NR2E3: variants seen among roughly 807,000 people sequenced by gnomAD.
The protein encoded by NR2E3 is nuclear receptor subfamily 2 group E member 3, also known as photoreceptor-specific nuclear receptor.
NR2E3 carries 38 observed loss-of-function variants against 37.6 expected under a neutral mutation model. That is an observed-to-expected ratio of 1.01 (90% confidence interval 0.78 to 1.33). The LOEUF (loss-of-function observed/expected upper bound fraction) is 1.33. Ranked by LOEUF, NR2E3 falls within the 40% of genes most tolerant of loss-of-function variation. The pLI is 0.00. For synonymous variants in NR2E3, 235 were observed against 225.1 expected (o/e 1.04, Z -0.39); for missense variants, 562 against 558.7 (o/e 1.01, Z -0.06).
chr15:71,814,009 C>T lies in NR2E3; in HGVS notation c.995-3C>T, dbSNP rs747791715. ...TAAGCTCACTGGTGCTGCTTCTCCC[C>T]AGAGACGCGGGGCCTGAAGGATCCT... On this transcript the variant is annotated splice_region_variant and splice_polypyrimidine_tract_variant and intron_variant, in intron 6 of 7. Coordinates refer to ENST00000617575, the MANE Select transcript of NR2E3 (RefSeq NM_014249.4). 1 of 1,610,384 alleles carries T rather than the reference C, an allele frequency of 6.2e-7. No homozygotes were observed. The highest frequency in any genetic ancestry group is 1.7e-5 in the Admixed American group (1 of 59,542).
Position 71,811,890 on chromosome 15 carries a change from G to C in NR2E3, c.349+21G>C. The C allele has an allele frequency of 6.5e-7, 1 of 1,550,356 alleles. No homozygotes were observed. Among genetic ancestry groups the C allele is most frequent in the East Asian group, 2.4e-5 (1 of 40,906 alleles). On this transcript the variant is annotated intron_variant, in intron 3 of 7. Coordinates refer to ENST00000617575, the MANE Select transcript of NR2E3 (RefSeq NM_014249.4). This position sits in a 1 kb window ranked among gnomAD's most constrained non-coding sequence, Gnocchi z 5.6. Reference sequence around the variant, plus strand: ...GGACGGTGAGGCGGGGGCTGGCCCGGGGGGAGGTGACAAGAAATGGGCAGC... The same window carrying C: ...GGACGGTGAGGCGGGGGCTGGCCCGCGGGGAGGTGACAAGAAATGGGCAGC...
rs750995972 is a variant in NR2E3, at chr15:71,812,178, T to C, written c.571+2T>C. 1.1e-5 allele frequency: 17 copies of C among 1,586,258 alleles called. No homozygotes were observed. The highest frequency in any genetic ancestry group is 1.5e-5 in the Non-Finnish European group (17 of 1,167,076). On this transcript the variant is annotated splice_donor_variant, in intron 4 of 7. Transcript: ENST00000617575. LOFTEE classifies it high-confidence loss of function. ...GTGCTAAGCTGGAGCCAGAGGATGG[T>C]GAGTGGGAGAGCAGCTGAGGGCACA...
rs757577455 is a variant in NR2E3 at position 71,811,888 on chromosome 15, C to T, written c.349+19C>T. The stretch of plus-strand genomic sequence containing the variant: ...CAGGACGGTGAGGCGGGGGCTGGCC[C>T]GGGGGGAGGTGACAAGAAATGGGCA... On this transcript the variant is annotated intron_variant, in intron 3 of 7. Coordinates refer to ENST00000617575, the MANE Select transcript of NR2E3 (RefSeq NM_014249.4). This position sits in a 1 kb window ranked among gnomAD's most constrained non-coding sequence, Gnocchi z 5.6. The T allele has an allele frequency of 3.0e-5, 46 of 1,550,212 alleles. No individual in the cohort carries two copies. The South Asian group carries it at 3.8e-4, about 13-fold the overall frequency.
At chr15:71,817,379 T>G in intron 7 of NR2E3, 173 bp from the exon 8 acceptor site, 100 of 745,832 alleles carry the variant, frequency 1.3e-4, no homozygotes, top group Non-Finnish European at 1.9e-4. Flanking sequence ...ATTACGGGCG[T>G]GAGCCACCAC....
chr15:71,811,455 T>TGGCCCAGCCCTGCCCCCTGCCCC lies in NR2E3; in HGVS notation c.119-27_119-5dup. 4 of 1,502,992 alleles carry TGGCCCAGCCCTGCCCCCTGCCCC rather than the reference T, an allele frequency of 2.7e-6. No homozygotes were observed. The highest frequency in any genetic ancestry group is 2.0e-5 in the Admixed American group (1 of 49,318). 93.1% of individuals were successfully genotyped at this position (1,502,992 alleles called of 1,614,324 possible). On this transcript the variant is annotated intron_variant, in intron 1 of 7. Coordinates refer to ENST00000617575, the MANE Select transcript of NR2E3 (RefSeq NM_014249.4). This position sits in a 1 kb window ranked among gnomAD's most constrained non-coding sequence, Gnocchi z 5.6. ...GCCCTGCCCCGGCCCAGCCCTGCCC[T>TGGCCCAGCCCTGCCCCCTGCCCC]GGCCCAGCCCTGCCCCCTGCCCCTC...
chr15:71,812,247 G>C, intron 4 of NR2E3, 71 bp downstream of exon 4: 3 of 1,609,030 alleles, frequency 1.9e-6, no homozygotes, highest in Non-Finnish European at 2.5e-6. Context: ...GCAGCGCCTT[G>C]CCTTGATCCT....
At chr15:71,815,019 A>G (rs2054216498) in intron 7 of NR2E3, 4 of 524,708 alleles carry the variant, frequency 7.6e-6, no homozygotes, top group Non-Finnish European at 9.8e-6. Context: ...AGGTGCACTG[A>G]GCATCCTGTA....
At chr15:71,812,824 A>G (rs770592961) in intron 5 of NR2E3, among the ~76,000 whole-genome samples, 4 of 152,122 alleles carry the variant, frequency 2.6e-5, no homozygotes, top group Non-Finnish European at 5.9e-5. Context: ...CCCTGCAGAC[A>G]TTCTGTGGGT....
chr15:71,812,117 A>G lies in NR2E3; in HGVS notation c.512A>G (p.His171Arg). 6.4e-7 allele frequency: 1 copy of G among 1,558,804 alleles called. No homozygotes were observed. Among genetic ancestry groups the G allele is most frequent in the Non-Finnish European group, 8.7e-7 (1 of 1,151,672 alleles). Reference sequence around the variant, plus strand: ...ATGTCTGCAGCCAGAGCCCTGGGCCACCACTTCATGGCCAGCCTTATAACA... The same window carrying G: ...ATGTCTGCAGCCAGAGCCCTGGGCCGCCACTTCATGGCCAGCCTTATAACA... ...TPMSAARALG[H>R]HFMASLITAE... Residue 171 changes from histidine (H) to arginine (R), a missense_variant, in exon 4 of 8, where the codon CAC (histidine) becomes CGC (arginine). Coordinates refer to ENST00000617575, the MANE Select transcript of NR2E3 (RefSeq NM_014249.4).
rs1221845226 is a variant in NR2E3, at chr15:71,811,412, G to C, written c.119-71G>C. The C allele has an allele frequency of 2.8e-6, 4 of 1,418,380 alleles. No individual in the cohort carries two copies. Among genetic ancestry groups the C allele is most frequent in the Non-Finnish European group, 3.8e-6 (4 of 1,040,722 alleles). 87.9% of individuals were successfully genotyped at this position (1,418,380 alleles called of 1,614,324 possible). A position where few individuals can be genotyped will look rare whatever the true frequency, so the allele number is the denominator to read the frequency against. On this transcript the variant is annotated intron_variant, in intron 1 of 7. Transcript: ENST00000617575. The surrounding 1 kb of genome is among the most constrained non-coding windows in gnomAD (Gnocchi z 5.6). ...TGAGGACTGGGAAAGGGACCCGAGG[G>C]AAGGAGGGGAGCGTGCAGCCCTGCC...
At position 71,813,970 on chromosome 15, in the gene NR2E3, C is replaced by T. The variant is rs1354068118; in HGVS notation, c.995-42C>T. The T allele has an allele frequency of 1.3e-6, 2 of 1,586,110 alleles. No individual in the cohort carries two copies. Among genetic ancestry groups the T allele is most frequent in the East Asian group, 4.6e-5 (2 of 43,246 alleles). On this transcript the variant is annotated intron_variant, in intron 6 of 7. Coordinates refer to ENST00000617575, the MANE Select transcript of NR2E3 (RefSeq NM_014249.4). This position sits in a 1 kb window ranked among gnomAD's most constrained non-coding sequence, Gnocchi z 4.7. The stretch of plus-strand genomic sequence containing the variant: ...CACTTCATGGCCAGCCTTATAACAG[C>T]CGTAAACCTGTGCTAAGCTCACTGG...
Position 71,812,188 on chromosome 15 carries a change from A to G in NR2E3, c.571+12A>G, listed in dbSNP as rs1435059628. ...GGAGCCAGAGGATGGTGAGTGGGAG[A>G]GCAGCTGAGGGCACAGCAGGGCTTG... On this transcript the variant is annotated intron_variant, in intron 4 of 7. Transcript: ENST00000617575. 1.3e-6 allele frequency: 2 copies of G among 1,592,926 alleles called. No homozygotes were observed. The highest frequency in any genetic ancestry group is 1.3e-5 in the African/African-American group (1 of 74,360).
At chr15:71,814,278 C>A in intron 7 of NR2E3, 161 bp downstream of exon 7, 1 of 1,414,048 alleles carries the variant, frequency 7.1e-7, no homozygotes, top group Non-Finnish European at 9.2e-7. Context: ...TGCCAGGCCC[C>A]GGGAGTGGGG....
rs991763973 is a variant in NR2E3, at chr15:71,813,703, T to G, written c.994+68T>G. 5.2e-5 allele frequency: 84 copies of G among 1,600,198 alleles called. No individual in the cohort carries two copies. Among genetic ancestry groups the G allele is most frequent in the Non-Finnish European group, 6.8e-5 (80 of 1,176,114 alleles). ...ACTTCCATCTGCCTCTCACTCTCCCTCCACTACCCCCATGTGTGCAGATGT... is the reference window on the plus strand; with the variant it reads ...ACTTCCATCTGCCTCTCACTCTCCCGCCACTACCCCCATGTGTGCAGATGT... On this transcript the variant is annotated intron_variant, in intron 6 of 7. Coordinates refer to ENST00000617575, the MANE Select transcript of NR2E3 (RefSeq NM_014249.4). The surrounding 1 kb of genome is among the most constrained non-coding windows in gnomAD (Gnocchi z 4.7).
chr15:71,813,922 C>A lies in NR2E3; in HGVS notation c.995-90C>A. 1 of 1,547,632 alleles carries A rather than the reference C, an allele frequency of 6.5e-7. No individual in the cohort carries two copies. Among genetic ancestry groups the A allele is most frequent in the South Asian group, 1.2e-5 (1 of 84,086 alleles). On this transcript the variant is annotated intron_variant, in intron 6 of 7. Transcript: ENST00000617575. The surrounding 1 kb of genome is among the most constrained non-coding windows in gnomAD (Gnocchi z 4.7). ...ACCCCACAGGGCCCCAGGTCCATGT[C>A]TGCAGCCAGAACCCTGGGCCACCAC...
rs1207016059 is a variant in NR2E3, at chr15:71,817,935, C to G, written c.*251C>G. On this transcript the variant is annotated 3_prime_UTR_variant, in exon 8 of 8. Coordinates refer to ENST00000617575, the MANE Select transcript of NR2E3 (RefSeq NM_014249.4). The stretch of plus-strand genomic sequence containing the variant: ...AAAATAATTTAAAAAGAATGAATTA[C>G]GGATACATGTGGCAACACAGGTAAA... The G allele has an allele frequency of 3.4e-6, 1 of 291,418 alleles. No individual in the cohort carries two copies. Among genetic ancestry groups the G allele is most frequent in the Admixed American group, 4.5e-5 (1 of 22,310 alleles). The allele number at this position is 291,418 out of a possible 1,614,324, so 18.1% of individuals were successfully genotyped here.
rs777903865 is a variant in NR2E3 at position 71,817,686 on chromosome 15, G to C, written c.*2G>C. 1 of 1,588,334 alleles carries C rather than the reference G, an allele frequency of 6.3e-7. No homozygotes were observed. The highest frequency in any genetic ancestry group is 8.6e-7 in the Non-Finnish European group (1 of 1,158,948). ...CTTTGTGATATGTTCAAAAACTAGT[G>C]GGGGTGGAGGTGAAATGTTTCCAAG... is the stretch of plus-strand genomic sequence containing the variant. On this transcript the variant is annotated 3_prime_UTR_variant, in exon 8 of 8. Coordinates refer to ENST00000617575, the MANE Select transcript of NR2E3 (RefSeq NM_014249.4).
intron 7 of NR2E3, 108 bp downstream of exon 7, chr15:71,814,225 G>T: frequency 6.8e-7 from 1 of 1,477,212 alleles, no homozygotes; most frequent in Non-Finnish European, 9.0e-7. Context: ...AAGGGTCTCA[G>T]TTCAACAGCA....
At position 71,812,359 on chromosome 15, in the gene NR2E3, A is replaced by G. The variant is rs201347199; in HGVS notation, c.595A>G (p.Ser199Gly). The G allele has an allele frequency of 2.8e-5, 45 of 1,613,748 alleles. No individual in the cohort carries two copies. In the African/African-American group the frequency reaches 5.3e-4, roughly 19 times the overall value. ...EDADENIDVT[S>G]NDPEFPSSPY... ...AGCTGATGAGAATATTGATGTCACC[A>G]GCAATGACCCTGAGTTCCCCTCCTC... Residue 199 changes from serine (S) to glycine (G), a missense_variant, in exon 5 of 8, where the codon AGC (serine) becomes GGC (glycine). Ser to Gly is a moderately conservative substitution (Grantham distance 56). Transcript: ENST00000617575.
Sources: gnomAD v4.1 joint callset for allele counts (sites outside exome capture counted in the v4.1 genomes callset) on GRCh38, gnomAD v4.1.1 for gene constraint, Gnocchi (gnomAD v3.1) non-coding constraint, MANE v1.5 for transcripts, NCBI Gene and HGNC (gene_info 2026-07-23, HGNC 2026-07-21) for gene names.